Variants in TSHR observed in about 807,000 individuals in gnomAD.
TSHR encodes thyroid stimulating hormone receptor.
In TSHR, 51 loss-of-function variants were observed where a neutral mutation model predicts 64.1. The observed-to-expected ratio is 0.80, with a 90% CI of 0.64 to 1.01. TSHR has a LOEUF of 1.01. Among genes scored for constraint, TSHR ranks in the 50% least tolerant of loss-of-function variants. The probability of loss-of-function intolerance (pLI) is 0.00; values close to 1 mark genes in which losing one functional copy is unlikely to be tolerated. For missense variants in TSHR, 877 were observed against 942.8 expected (o/e 0.93, Z 0.91); for synonymous variants, 361 against 361.9 (o/e 1.00, Z 0.03).
chr14:81,083,911 G>A (rs924428518), intron 3 of TSHR, among the ~76,000 whole-genome samples: 2 of 152,164 alleles, frequency 1.3e-5, no homozygotes, highest in African/African-American at 4.8e-5. Context: ...GCAAAGTGGG[G>A]TAGATCCCCT....
At chr14:81,089,298 T>C (rs1428565049) in intron 4 of TSHR, among the ~76,000 whole-genome samples, 1 of 152,114 alleles carries the variant, frequency 6.6e-6, no homozygotes, top group African/African-American at 2.4e-5. Flanking sequence ...AATAGTTGTA[T>C]ATTGAAGAGG....
chr14:80,979,526 G>T (rs751370414), intron 1 of TSHR, among the ~76,000 whole-genome samples: 4 of 152,134 alleles, frequency 2.6e-5, no homozygotes, highest in Non-Finnish European at 4.4e-5. Flanking sequence ...GATGTTGAAT[G>T]TTCTCACCAC....
intron 1 of TSHR, among the ~76,000 whole-genome samples, chr14:81,023,482 C>T (rs868317504): frequency 6.6e-6 from 1 of 152,024 alleles, no homozygotes; most frequent in Non-Finnish European, 1.5e-5. Context: ...GTCTTTAGGA[C>T]CCTGATGTAA....
At chr14:81,128,706 G>A (rs1891115771) in intron 8 of TSHR, among the ~76,000 whole-genome samples, 1 of 152,068 alleles carries the variant, frequency 6.6e-6, no homozygotes, top group South Asian at 2.1e-4. Context: ...TTAGGGGTTG[G>A]GCACTAGTTG....
chr14:81,127,081 A>C (rs919556829), intron 8 of TSHR, among the ~76,000 whole-genome samples: 5 of 152,202 alleles, frequency 3.3e-5, no homozygotes, highest in Admixed American at 2.6e-4. Context: ...GCAACAGGCT[A>C]AATAATGACA....
intron 1 of TSHR, among the ~76,000 whole-genome samples, chr14:81,039,133 A>G (rs1260762856): frequency 6.6e-6 from 1 of 151,966 alleles, no homozygotes; most frequent in African/African-American, 2.4e-5. Context: ...AATACAAGCA[A>G]ACAAAATTCA....
rs191596920 is a variant in TSHR, at chr14:81,040,482, A to G, written c.171-21666A>G. Among the ~76,000 whole-genome samples, 24 of 152,218 alleles carry G rather than the reference A, an allele frequency of 1.6e-4. No homozygotes were observed. In the East Asian group the frequency reaches 3.3e-3, roughly 21 times the overall value. ...TAAATGGGATTACATCAAACTAAAA[A>G]CTTCTGCACAGCAAAGTCAACAATT... On this transcript the variant is annotated intron_variant, in intron 1 of 9. Transcript: ENST00000298171.
intron 1 of TSHR, chr14:81,011,965 G>A (rs1279112879): frequency 6.6e-6 from 1 of 152,004 alleles, no homozygotes; most frequent in African/African-American, 2.4e-5. Context: ...AATACTTTAA[G>A]TTTTAGGGCA....
At position 81,091,268 on chromosome 14, in the gene TSHR, G is replaced by A. The variant is rs1888714055; in HGVS notation, c.467+125G>A. 2.3e-5 allele frequency: 20 copies of A among 856,888 alleles called. 1 individual carries two copies. The South Asian group carries it at 2.8e-4, about 12-fold the overall frequency. 53.1% of individuals were successfully genotyped at this position (856,888 alleles called of 1,614,324 possible). A position where few individuals can be genotyped will look rare whatever the true frequency, so the allele number is the denominator to read the frequency against. ...GTTTCAAGGAGTAAGCAATGATCAG[G>A]TGTGACTACACTGGCATGAAGTAAG... On this transcript the variant is annotated intron_variant, in intron 5 of 9. Coordinates refer to ENST00000298171, the MANE Select transcript of TSHR (RefSeq NM_000369.5).
At chr14:80,955,982 CTG>C (rs1594884664) in intron 1 of TSHR, 132 bp downstream of exon 1, 3 of 1,115,266 alleles carry the variant, frequency 2.7e-6, no homozygotes, top group African/African-American at 3.1e-5. Flanking sequence ...GAGTGAATGT[CTG>C]TGTGTGTAGA....
chr14:81,108,586 A>T lies in TSHR; in HGVS notation c.692+134A>T, dbSNP rs755130665. Reference sequence around the variant, plus strand: ...TGCTGTCTCGGGTAAAGGCTTCTGCAAGTCCCTCTTTTCCTGGCTGTATAG... The same window carrying T: ...TGCTGTCTCGGGTAAAGGCTTCTGCTAGTCCCTCTTTTCCTGGCTGTATAG... On this transcript the variant is annotated intron_variant, in intron 8 of 9. Coordinates refer to ENST00000298171, the MANE Select transcript of TSHR (RefSeq NM_000369.5). 3.7e-6 allele frequency: 6 copies of T among 1,613,004 alleles called. No homozygotes were observed. The South Asian group carries it at 5.5e-5, about 15-fold the overall frequency.
At chr14:81,128,741 C>G (rs1891117768) in intron 8 of TSHR, among the ~76,000 whole-genome samples, 1 of 152,160 alleles carries the variant, frequency 6.6e-6, no homozygotes, top group Non-Finnish European at 1.5e-5. Context: ...GAGCCCTCTC[C>G]CCAGATATCC....
chr14:81,130,690 C>T (rs1484366040), intron 8 of TSHR, among the ~76,000 whole-genome samples: 1 of 152,186 alleles, frequency 6.6e-6, no homozygotes, highest in Admixed American at 6.5e-5. Flanking sequence ...CCAAATTCCA[C>T]GCTTATAAAA....
chr14:81,088,776 A>T (rs142441400), intron 4 of TSHR, among the ~76,000 whole-genome samples: 1 of 152,144 alleles, frequency 6.6e-6, no homozygotes, highest in African/African-American at 2.4e-5. Context: ...CAAAATAAGC[A>T]CTATTAACAT....
At chr14:80,957,298 G>A (rs368321641) in intron 1 of TSHR, among the ~76,000 whole-genome samples, 18 of 152,064 alleles carry the variant, frequency 1.2e-4, no homozygotes, top group East Asian at 1.2e-3. Flanking sequence ...TCCCAACAGC[G>A]TTCTCTGCAT....
intron 8 of TSHR, 74 bp from the exon 9 acceptor site, chr14:81,139,605 G>A: frequency 6.6e-7 from 1 of 1,510,954 alleles, no homozygotes; most frequent in Non-Finnish European, 9.2e-7. Context: ...AGGCCTGTTT[G>A]AGTTTCTGGC....
intron 9 of TSHR, 133 bp from the exon 10 acceptor site, chr14:81,142,805 TCA>T: frequency 3.9e-6 from 3 of 767,636 alleles, no homozygotes; most frequent in Non-Finnish European, 6.9e-6. Flanking sequence ...AGATGGGATT[TCA>T]CCATGTTGCC....
At chr14:81,049,361 T>C (rs1302311361) in intron 1 of TSHR, 2 of 152,222 alleles carry the variant, frequency 1.3e-5, no homozygotes, top group East Asian at 1.9e-4. Flanking sequence ...AATCTGTCTA[T>C]GGTTATGTAG....
Position 81,083,517 on chromosome 14 carries a change from C to T in TSHR, c.318-4437C>T, listed in dbSNP as rs139188259. Reference sequence around the variant, plus strand: ...TGAAGTCATAAGTCCTAGATAAAGGCCCAGTGTTGCTGCTAAGTGTATAAC... The same window carrying T: ...TGAAGTCATAAGTCCTAGATAAAGGTCCAGTGTTGCTGCTAAGTGTATAAC... On this transcript the variant is annotated intron_variant, in intron 3 of 9. Coordinates refer to ENST00000298171, the MANE Select transcript of TSHR (RefSeq NM_000369.5). Among the ~76,000 whole-genome samples the T allele has an allele frequency of 3.8e-3, 576 of 151,616 alleles. 4 individuals carry two copies. The highest frequency in any genetic ancestry group is 0.012 in the African/African-American group (513 of 41,322).
Sources: gnomAD v4.1 joint callset for allele counts (sites outside exome capture counted in the v4.1 genomes callset) on GRCh38, gnomAD v4.1.1 for gene constraint, MANE v1.5 for transcripts, NCBI Gene and HGNC (gene_info 2026-07-23, HGNC 2026-07-21) for gene names.